The following ITPKB variants were observed in gnomAD, a reference collection of about 807,000 sequenced individuals.
ITPKB encodes inositol-trisphosphate 3-kinase B, also known as IP3 3-kinase B.
A neutral mutation model predicts 69.4 loss-of-function variants in ITPKB; 13 were observed. The observed-to-expected ratio is 0.19, with a 90% CI of 0.12 to 0.30. ITPKB has a LOEUF of 0.30. Among genes scored for constraint, ITPKB ranks in the 10% least tolerant of loss-of-function variants. ITPKB has a pLI of 1.00. For synonymous variants in ITPKB, 584 were observed against 513.7 expected (o/e 1.14, Z -1.85); for missense variants, 1,240 against 1,250.5 (o/e 0.99, Z 0.13).
chr1:226,686,461 G>A (rs1405308469), intron 2 of ITPKB, among the ~76,000 whole-genome samples: 1 of 152,186 alleles, frequency 6.6e-6, no homozygotes, highest in Non-Finnish European at 1.5e-5. Flanking sequence ...TGACCTTTGG[G>A]GAAATGGGGG....
intron 2 of ITPKB, among the ~76,000 whole-genome samples, chr1:226,702,263 G>T (rs183190821): frequency 6.6e-6 from 1 of 152,192 alleles, no homozygotes; most frequent in East Asian, 1.9e-4. Flanking sequence ...CGGGTGTGGT[G>T]GTGGGCGCCT....
At chr1:226,684,158 G>A (rs926188603) in intron 2 of ITPKB, among the ~76,000 whole-genome samples, 5 of 152,026 alleles carry the variant, frequency 3.3e-5, no homozygotes, top group East Asian at 3.9e-4. Context: ...CAGTACTGAC[G>A]TTGGGGCCAT....
At chr1:226,684,550 T>G (rs930711231) in intron 2 of ITPKB, among the ~76,000 whole-genome samples, 1 of 152,134 alleles carries the variant, frequency 6.6e-6, no homozygotes, top group African/African-American at 2.4e-5. Flanking sequence ...ATCAGACTTG[T>G]TCTAGAACTG....
chr1:226,720,188 C>T (rs1252582754), intron 2 of ITPKB, among the ~76,000 whole-genome samples: 3 of 152,210 alleles, frequency 2.0e-5, no homozygotes, highest in East Asian at 1.9e-4. Flanking sequence ...TAGACTAAAA[C>T]GGTACTCCAG....
In ITPKB at chr1:226,736,722, G is replaced by A. The variant is rs1366697687; in HGVS notation, c.737C>T (p.Ser246Leu). 5.0e-6 allele frequency: 8 copies of A among 1,612,774 alleles called. No individual in the cohort carries two copies. Among genetic ancestry groups the A allele is most frequent in the South Asian group, 1.1e-5 (1 of 91,076 alleles). The change falls in exon 2 of 8, where the codon TCA becomes TTA. Residue 246 changes from serine (S) to leucine (L), a missense_variant. Ser to Leu is a moderately radical substitution (Grantham distance 145, BLOSUM62 -2). Transcript: ENST00000429204. ...PLPGRAAPTGSEAQGPSAFVR... is the reference protein window; with the variant it reads ...PLPGRAAPTGLEAQGPSAFVR... ...AAAAGCGGATGGACCCTGAGCCTCT[G>A]ATCCTGTAGGGGCAGCCCGGCCGGG...
chr1:226,721,691 C>T (rs1266642149), intron 2 of ITPKB, among the ~76,000 whole-genome samples: 3 of 151,980 alleles, frequency 2.0e-5, no homozygotes, highest in Non-Finnish European at 4.4e-5. Context: ...GACGGGGTTT[C>T]ACCATGTTGG....
In ITPKB at chr1:226,736,375, C is replaced by A; in HGVS notation, c.1084G>T (p.Gly362Trp). 6.2e-7 allele frequency: 1 copy of A among 1,612,458 alleles called. No individual in the cohort carries two copies. Among genetic ancestry groups the A allele is most frequent in the Non-Finnish European group, 8.5e-7 (1 of 1,179,884 alleles). Residue 362 changes from glycine to tryptophan, a missense_variant, in exon 2 of 8, where the codon GGG becomes TGG. Transcript: ENST00000429204. ...SETSPAPERG[G>W]PRDGEPPGKM... ...CCAGGGGGTTCTCCATCGCGGGGCC[C>A]GCCCCTTTCTGGGGCTGGGCTTGTC...
intron 6 of ITPKB, among the ~76,000 whole-genome samples, chr1:226,638,437 G>A (rs571458517): frequency 1.3e-4 from 20 of 152,294 alleles, no homozygotes; most frequent in Admixed American, 1.2e-3. Flanking sequence ...TGCCTGGTCC[G>A]CCCCCACTTG....
intron 2 of ITPKB, among the ~76,000 whole-genome samples, chr1:226,679,533 C>T (rs1438415480): frequency 6.6e-6 from 1 of 152,174 alleles, no homozygotes; most frequent in Non-Finnish European, 1.5e-5. Flanking sequence ...GGGATAGTCT[C>T]AAAAAAGCTG....
intron 2 of ITPKB, 81 bp downstream of exon 2, chr1:226,735,446 T>C (rs1028059150): frequency 1.4e-6 from 1 of 704,096 alleles, no homozygotes; most frequent in South Asian, 4.6e-5. Context: ...GTGTAGAAAG[T>C]TAAGAAAAAG....
intron 2 of ITPKB, among the ~76,000 whole-genome samples, chr1:226,689,855 T>C (rs1329388865): frequency 2.0e-5 from 3 of 152,146 alleles, no homozygotes; most frequent in Non-Finnish European, 4.4e-5. Flanking sequence ...CCACTTATAA[T>C]AACATGCAGT....
intron 2 of ITPKB, among the ~76,000 whole-genome samples, chr1:226,700,984 G>T (rs184911407): frequency 6.6e-6 from 1 of 152,180 alleles, no homozygotes; most frequent in Non-Finnish European, 1.5e-5. Context: ...TGGAGCACAC[G>T]GTGCCTTCAA....
At chr1:226,653,328 A>G (rs1346129661) in intron 2 of ITPKB, among the ~76,000 whole-genome samples, 1 of 152,178 alleles carries the variant, frequency 6.6e-6, no homozygotes, top group African/African-American at 2.4e-5. Context: ...GTCTCGAGAC[A>G]GCAGGATGAG....
intron 2 of ITPKB, among the ~76,000 whole-genome samples, chr1:226,681,237 T>C (rs1047235903): frequency 1.2e-4 from 18 of 152,216 alleles, no homozygotes; most frequent in African/African-American, 4.3e-4. Flanking sequence ...CTTCCTAGCC[T>C]GTGAATAACA....
At chr1:226,681,817 A>G (rs79409928) in intron 2 of ITPKB, among the ~76,000 whole-genome samples, 2,103 of 152,192 alleles carry the variant, frequency 0.014, 109 homozygotes, top group Admixed American at 0.081. Flanking sequence ...TCCAGATGAT[A>G]CCCCTGCCTC....
chr1:226,684,677 C>G (rs192439778), intron 2 of ITPKB, among the ~76,000 whole-genome samples: 1 of 152,326 alleles, frequency 6.6e-6, no homozygotes, highest in East Asian at 1.9e-4. Context: ...ATGCAAAGAT[C>G]TCAGGCCTTG....
intron 2 of ITPKB, among the ~76,000 whole-genome samples, chr1:226,674,486 T>G (rs572011100): frequency 6.6e-6 from 1 of 152,064 alleles, no homozygotes; most frequent in South Asian, 2.1e-4. Flanking sequence ...CGTGAGCCAC[T>G]GTGCCTGGCC....
intron 2 of ITPKB, chr1:226,668,885 T>C (rs866469642): frequency 3.9e-5 from 6 of 152,170 alleles, no homozygotes; most frequent in Non-Finnish European, 7.3e-5. Context: ...TATTCATTAC[T>C]GCTACAGACC....
chr1:226,705,342 CA>C (rs11290797), intron 2 of ITPKB, among the ~76,000 whole-genome samples: 35,261 of 151,792 alleles, frequency 0.23, 5,062 homozygotes, highest in South Asian at 0.38. Context: ...CCAGCCTGAC[CA>C]ACATGGAGAA....
Sources: gnomAD v4.1 joint callset for allele counts (sites outside exome capture counted in the v4.1 genomes callset) on GRCh38, gnomAD v4.1.1 for gene constraint, MANE v1.5 for transcripts, NCBI Gene and HGNC (gene_info 2026-07-23, HGNC 2026-07-21) for gene names.